LDLRAD4: variants seen among roughly 807,000 people sequenced by gnomAD.
LDLRAD4 encodes low-density lipoprotein receptor class A domain-containing protein 4.
LDLRAD4 carries 5 observed loss-of-function variants against 17.0 expected under a neutral mutation model. The ratio of observed to expected loss-of-function variants is 0.29; its 90% CI spans 0.15 to 0.62. LDLRAD4 has a LOEUF of 0.62. Among genes scored for constraint, LDLRAD4 ranks in the 20% least tolerant of loss-of-function variants. The probability of loss-of-function intolerance (pLI) is 0.84; values close to 1 mark genes in which losing one functional copy is unlikely to be tolerated. For missense variants in LDLRAD4, 340 were observed against 424.7 expected (o/e 0.80, Z 1.75); for synonymous variants, 168 against 171.8 (o/e 0.98, Z 0.17).
chr18:13,586,539 A>C (rs906019846), intron 3 of LDLRAD4, among the ~76,000 whole-genome samples: 2 of 152,020 alleles, frequency 1.3e-5, no homozygotes, highest in Non-Finnish European at 2.9e-5. Flanking sequence ...AGAAGAGCCT[A>C]GGAGCCCTGA....
chr18:13,317,580 G>T (rs776244789), intron 1 of LDLRAD4, among the ~76,000 whole-genome samples: 1 of 152,142 alleles, frequency 6.6e-6, no homozygotes, highest in Non-Finnish European at 1.5e-5. Context: ...TCTATTTTCC[G>T]TGGGTGCCAC....
At chr18:13,434,195 T>G (rs2090514801) in intron 2 of LDLRAD4, among the ~76,000 whole-genome samples, 1 of 151,560 alleles carries the variant, frequency 6.6e-6, no homozygotes. Context: ...TTACCAGAAG[T>G]GTTTACAGCG....
At chr18:13,321,901 A>AAAAG in intron 1 of LDLRAD4, among the ~76,000 whole-genome samples, 1 of 116,444 alleles carries the variant, frequency 8.6e-6, no homozygotes, top group Non-Finnish European at 1.7e-5. Context: ...AAAAAAAAAA[A>AAAAG]AGAAAAGAAA....
At chr18:13,462,194 G>T (rs3809906) in intron 3 of LDLRAD4, 126,128 of 152,206 alleles carry the variant, frequency 0.83, 52,772 homozygotes, top group South Asian at 0.92. Flanking sequence ...TTCTTCACTG[G>T]CCTCAAAAAA....
intron 1 of LDLRAD4, among the ~76,000 whole-genome samples, chr18:13,323,961 A>G (rs2081379996): frequency 6.6e-6 from 1 of 151,762 alleles, no homozygotes; most frequent in Non-Finnish European, 1.5e-5. Context: ...GCTACTTGGG[A>G]GGCTGAGGCA....
At chr18:13,302,184 T>C (rs1358022146) in intron 1 of LDLRAD4, among the ~76,000 whole-genome samples, 1 of 152,264 alleles carries the variant, frequency 6.6e-6, no homozygotes, top group Non-Finnish European at 1.5e-5. Context: ...AATTCACTGC[T>C]GTCGCCGGCT....
intron 1 of LDLRAD4, among the ~76,000 whole-genome samples, chr18:13,261,862 G>A (rs1044692817): frequency 6.6e-6 from 1 of 152,186 alleles, no homozygotes; most frequent in Non-Finnish European, 1.5e-5. Context: ...GCAGGACTGC[G>A]AGTGCCACCA....
At chr18:13,386,937 TA>T (rs1453896438) in intron 1 of LDLRAD4, among the ~76,000 whole-genome samples, 1,693 of 130,570 alleles carry the variant, frequency 0.013, 31 homozygotes, top group East Asian at 0.054. Flanking sequence ...GATAGATAGA[TA>T]GATAGATAGA....
intron 3 of LDLRAD4, among the ~76,000 whole-genome samples, chr18:13,501,578 G>A (rs1036794362): frequency 2.1e-5 from 2 of 96,218 alleles, no homozygotes; most frequent in African/African-American, 5.3e-5. Flanking sequence ...TTTTCAAATT[G>A]TGTTGCTTTT....
At chr18:13,250,211 T>C (rs973345477) in intron 1 of LDLRAD4, among the ~76,000 whole-genome samples, 4 of 152,262 alleles carry the variant, frequency 2.6e-5, no homozygotes, top group African/African-American at 9.6e-5. Flanking sequence ...GCTGTTTTGG[T>C]TATTATAGCT....
chr18:13,406,842 C>T (rs2087806744), intron 2 of LDLRAD4, among the ~76,000 whole-genome samples: 1 of 152,106 alleles, frequency 6.6e-6, no homozygotes, highest in Non-Finnish European at 1.5e-5. Context: ...GCTGCCTGTC[C>T]CTGAGTAGAA....
intron 3 of LDLRAD4, among the ~76,000 whole-genome samples, chr18:13,506,957 T>A (rs1489504971): frequency 6.6e-6 from 1 of 152,212 alleles, no homozygotes; most frequent in African/African-American, 2.4e-5. Flanking sequence ...CGCTTTACTG[T>A]GCTTCACAGA....
chr18:13,348,047 C>T (rs969064836), intron 1 of LDLRAD4, among the ~76,000 whole-genome samples: 28 of 152,116 alleles, frequency 1.8e-4, no homozygotes, highest in African/African-American at 4.3e-4. Context: ...GTAGTTTGAT[C>T]GTCTGAAGCC....
At position 13,425,184 on chromosome 18, in the gene LDLRAD4, A is replaced by AT. The variant is rs1237216642; in HGVS notation, c.41-13058dup. On this transcript the variant is annotated intron_variant, in intron 2 of 5. Coordinates refer to ENST00000359446, the Ensembl canonical transcript of LDLRAD4. ...TAAAAGTTAATTATATGATTTATTG[A>AT]TTCATTTGTTTTTGCTTCATTTAAA... Among the ~76,000 whole-genome samples the AT allele has an allele frequency of 2.6e-5, 4 of 152,328 alleles. No individual in the cohort carries two copies. The East Asian group carries it at 7.7e-4, about 29-fold the overall frequency.
chr18:13,408,880 A>G (rs1052262360), intron 2 of LDLRAD4, among the ~76,000 whole-genome samples: 1 of 149,750 alleles, frequency 6.7e-6, no homozygotes, highest in Non-Finnish European at 1.5e-5. Context: ...TTGCTTTTAG[A>G]AAGTTTGTTG....
rs571406841 is a variant in LDLRAD4 at position 13,427,661 on chromosome 18, G to A, written c.41-10583G>A. Among the ~76,000 whole-genome samples the A allele has an allele frequency of 3.3e-5, 5 of 152,312 alleles. No individual in the cohort carries two copies. The South Asian group carries it at 8.3e-4, about 25-fold the overall frequency. ...ATTTAGGAGCACAGCCAGATGACTGGGTAGGGACAGATGGAAAAAGCCTAG... is the reference window on the plus strand; with the variant it reads ...ATTTAGGAGCACAGCCAGATGACTGAGTAGGGACAGATGGAAAAAGCCTAG... On this transcript the variant is annotated intron_variant, in intron 2 of 5. Transcript: ENST00000359446.
chr18:13,283,749 C>T (rs2045430669), intron 1 of LDLRAD4, among the ~76,000 whole-genome samples: 1 of 152,188 alleles, frequency 6.6e-6, no homozygotes, highest in Non-Finnish European at 1.5e-5. Context: ...TTCAGCAGTG[C>T]TCCACTCTAC....
intron 3 of LDLRAD4, among the ~76,000 whole-genome samples, chr18:13,465,325 G>A (rs1332784378): frequency 1.3e-5 from 2 of 152,324 alleles, no homozygotes; most frequent in East Asian, 1.9e-4. Flanking sequence ...TCAGATGGCT[G>A]TGTTCAAGTT....
intron 1 of LDLRAD4, among the ~76,000 whole-genome samples, chr18:13,318,780 C>A (rs758449755): frequency 2.6e-5 from 4 of 152,142 alleles, no homozygotes; most frequent in African/African-American, 9.7e-5. Flanking sequence ...GGCCACAGAC[C>A]TAGGCAGGAC....
Sources: allele counts gnomAD v4.1 joint callset (sites outside exome capture counted in the v4.1 genomes callset), GRCh38; gene constraint gnomAD v4.1.1; transcripts MANE v1.5; gene names NCBI Gene and HGNC (gene_info 2026-07-23, HGNC 2026-07-21).